LRBA: variants seen among roughly 807,000 people sequenced by gnomAD.
LRBA encodes the protein lipopolysaccharide-responsive and beige-like anchor protein.
Under a neutral mutation model 330.0 loss-of-function variants are expected in LRBA, and 176 were observed. The observed-to-expected ratio is 0.53, with a 90% confidence interval of 0.47 to 0.60. The LOEUF (loss-of-function observed/expected upper bound fraction) is 0.60. LRBA is among the 20% of genes least tolerant of loss of function. LRBA has a pLI of 0.00. For missense variants in LRBA, 3,259 were observed against 3,444.8 expected, an observed-to-expected ratio of 0.95 and a Z score of 1.35; for synonymous variants, 1,230 against 1,193.0, an observed-to-expected ratio of 1.03 and a Z score of -0.64.
chr4:150,268,896 A>G (rs539493397), intron 56 of LRBA, among the ~76,000 whole-genome samples: 5 of 152,370 alleles, frequency 3.3e-5, no homozygotes, highest in African/African-American at 1.2e-4. Flanking sequence ...AGACAGAGCA[A>G]TTACACAAGA....
Position 150,431,112 on chromosome 4 carries a change from G to C in LRBA, c.7041+4477C>G, listed in dbSNP as rs567693305. Among the ~76,000 whole-genome samples the C allele has an allele frequency of 9.9e-4, 150 of 152,146 alleles. 4 individuals are homozygous for C. The South Asian group carries it at 0.029, about 30-fold the overall frequency. Reference sequence around the variant, plus strand: ...AGTCTAATTTGTTACATAAAATTTGGTCATAATAATTCAAGGTTCAGGCTG... The same window carrying C: ...AGTCTAATTTGTTACATAAAATTTGCTCATAATAATTCAAGGTTCAGGCTG... On this transcript the variant is annotated intron_variant, in intron 46 of 56. Coordinates refer to ENST00000651943, the MANE Select transcript of LRBA (RefSeq NM_001364905.1).
chr4:150,982,765 AG>A (rs1741001543), intron 2 of LRBA, among the ~76,000 whole-genome samples: 3 of 152,230 alleles, frequency 2.0e-5, no homozygotes, highest in Non-Finnish European at 4.4e-5. Flanking sequence ...CACAGAATGT[AG>A]GGCAATGCTT....
At chr4:150,535,084 A>C (rs1327386177) in intron 40 of LRBA, among the ~76,000 whole-genome samples, 4 of 152,160 alleles carry the variant, frequency 2.6e-5, no homozygotes, top group Admixed American at 6.6e-5. Flanking sequence ...AATAGTTTCA[A>C]TATTTTACAA....
At chr4:150,451,251 T>G (rs1753308567) in intron 44 of LRBA, among the ~76,000 whole-genome samples, 1 of 152,198 alleles carries the variant, frequency 6.6e-6, no homozygotes, top group African/African-American at 2.4e-5. Context: ...CAACAGAATA[T>G]GCACTCTTTT....
rs569678555 is a variant in LRBA at position 150,962,442 on chromosome 4, C to A, written c.217-33377G>T. ...CTGAGGTGGAAGGATCACTTGAGCCCGGGAAGTCCCAGCTACAGTAAGCTG... is the reference window on the plus strand; with the variant it reads ...CTGAGGTGGAAGGATCACTTGAGCCAGGGAAGTCCCAGCTACAGTAAGCTG... On this transcript the variant is annotated intron_variant, in intron 2 of 56. Transcript: ENST00000651943. 1.3e-5 allele frequency among the ~76,000 whole-genome samples: 2 copies of A among 149,190 alleles called. 1 individual carries two copies. The highest frequency in any genetic ancestry group is 5.2e-5 in the African/African-American group (2 of 38,586).
At chr4:150,359,747 G>A (rs1042945035) in intron 47 of LRBA, among the ~76,000 whole-genome samples, 6 of 152,054 alleles carry the variant, frequency 3.9e-5, no homozygotes, top group Non-Finnish European at 5.9e-5. Flanking sequence ...TTGGGAGGCC[G>A]AAGCGGGTGG....
intron 13 of LRBA, among the ~76,000 whole-genome samples, chr4:150,903,352 T>C (rs561766290): frequency 4.0e-5 from 6 of 151,696 alleles, no homozygotes; most frequent in Non-Finnish European, 7.4e-5. Context: ...GAAAAGAACA[T>C]GTTGGAATTC....
intron 40 of LRBA, among the ~76,000 whole-genome samples, chr4:150,515,887 A>C (rs1331620613): frequency 1.3e-5 from 2 of 152,076 alleles, no homozygotes; most frequent in African/African-American, 4.8e-5. Flanking sequence ...CAAAAAATAT[A>C]AAACAATTAT....
intron 47 of LRBA, among the ~76,000 whole-genome samples, chr4:150,403,028 G>A (rs1408078261): frequency 6.6e-6 from 1 of 152,168 alleles, no homozygotes; most frequent in Non-Finnish European, 1.5e-5. Flanking sequence ...CCAGTTACCG[G>A]CAAATCAAAC....
intron 53 of LRBA, among the ~76,000 whole-genome samples, chr4:150,296,061 A>G (rs1728941179): frequency 6.6e-6 from 1 of 152,246 alleles, no homozygotes; most frequent in African/African-American, 2.4e-5. Flanking sequence ...GTTGCAATGC[A>G]ACATTGTCTG....
chr4:150,777,796 G>C (rs1737599313), intron 34 of LRBA, among the ~76,000 whole-genome samples: 3 of 151,802 alleles, frequency 2.0e-5, no homozygotes, highest in Admixed American at 2.0e-4. Flanking sequence ...TGGCCAACAT[G>C]GTGAAACCCC....
intron 37 of LRBA, among the ~76,000 whole-genome samples, chr4:150,667,649 C>A (rs2126852554): frequency 6.6e-6 from 1 of 152,248 alleles, no homozygotes; most frequent in African/African-American, 2.4e-5. Flanking sequence ...GGGTAGGACC[C>A]TCAGGAATAG....
At chr4:150,284,126 G>A (rs1333355692) in intron 54 of LRBA, among the ~76,000 whole-genome samples, 1 of 152,200 alleles carries the variant, frequency 6.6e-6, no homozygotes, top group African/African-American at 2.4e-5. Flanking sequence ...TGACCCTGCT[G>A]AGACACTGTA....
rs185711392 is a variant in LRBA, at chr4:150,950,094, T to A, written c.217-21029A>T. On this transcript the variant is annotated intron_variant, in intron 2 of 56. Transcript: ENST00000651943. ...GTGCACTGAAGGCTAATAAATCATC[T>A]AAACCTTCATACAGAGAACCTTTTT... Among the ~76,000 whole-genome samples the A allele has an allele frequency of 5.1e-4, 78 of 152,272 alleles. 2 individuals are homozygous for A. The South Asian group carries it at 0.013, about 26-fold the overall frequency.
intron 37 of LRBA, among the ~76,000 whole-genome samples, chr4:150,654,625 G>T (rs1227025953): frequency 6.6e-6 from 1 of 152,122 alleles, no homozygotes; most frequent in Non-Finnish European, 1.5e-5. Context: ...CATGTGCCAT[G>T]TTGGTGTGCT....
At chr4:150,774,218 A>G (rs1736959566) in intron 34 of LRBA, among the ~76,000 whole-genome samples, 1 of 152,172 alleles carries the variant, frequency 6.6e-6, no homozygotes, top group South Asian at 2.1e-4. Flanking sequence ...TTCTTCCACT[A>G]TCAGTTCTGA....
intron 48 of LRBA, among the ~76,000 whole-genome samples, chr4:150,338,747 T>C (rs1214598656): frequency 5.3e-5 from 8 of 152,192 alleles, no homozygotes; most frequent in Non-Finnish European, 7.3e-5. Context: ...ATGAGTTCTG[T>C]AGCAGAGGCT....
intron 48 of LRBA, among the ~76,000 whole-genome samples, chr4:150,328,211 G>C (rs961910098): frequency 6.6e-6 from 1 of 152,114 alleles, no homozygotes; most frequent in African/African-American, 2.4e-5. Context: ...TTTCTGTTAG[G>C]GAAAACAAGT....
At chr4:150,899,976 G>T in intron 14 of LRBA, 73 bp downstream of exon 14, 1 of 1,190,542 alleles carries the variant, frequency 8.4e-7, no homozygotes, top group South Asian at 1.8e-5. Context: ...TGATAGTACT[G>T]GTTAAAACAA....
Sources: allele counts gnomAD v4.1 joint callset (sites outside exome capture counted in the v4.1 genomes callset), GRCh38; gene constraint gnomAD v4.1.1; transcripts MANE v1.5; gene names NCBI Gene and HGNC (gene_info 2026-07-23, HGNC 2026-07-21).